The following EYS variants were observed in gnomAD, a reference collection of about 807,000 sequenced individuals.
The protein encoded by EYS is protein eyes shut homolog.
EYS carries 250 observed loss-of-function variants against 282.1 expected under a neutral mutation model. The observed-to-expected ratio is 0.89, with a 90% CI of 0.80 to 0.98. The LOEUF is 0.98. EYS is among the 50% of genes least tolerant of loss of function. The probability of loss-of-function intolerance (pLI) is 0.00; values close to 1 mark genes in which losing one functional copy is unlikely to be tolerated. For missense variants in EYS, 4,016 were observed against 3,709.0 expected (o/e 1.08, Z -2.15); for synonymous variants, 1,355 against 1,282.9 (o/e 1.06, Z -1.20).
At chr6:64,488,713 GAAA>G (rs746165393) in intron 26 of EYS, among the ~76,000 whole-genome samples, 2 of 150,998 alleles carry the variant, frequency 1.3e-5, no homozygotes, top group African/African-American at 2.4e-5. Context: ...ATTCTTCAGT[GAAA>G]AGTAAACGTA....
intron 5 of EYS, among the ~76,000 whole-genome samples, chr6:65,487,224 G>C (rs34793941): frequency 2.0e-5 from 3 of 152,142 alleles, no homozygotes; most frequent in Admixed American, 2.0e-4. Flanking sequence ...AATACGAGTG[G>C]TGAGAGAGGA....
chr6:63,726,455 A>G (rs999982216), intron 42 of EYS, 64 bp downstream of exon 42: 69 of 1,380,598 alleles, frequency 5.0e-5, no homozygotes, highest in Admixed American at 1.0e-4. Flanking sequence ...CACAAACACT[A>G]TCATACATTA....
chr6:65,202,547 G>A (rs1765927753), intron 12 of EYS, among the ~76,000 whole-genome samples: 1 of 152,038 alleles, frequency 6.6e-6, no homozygotes, highest in Admixed American at 6.6e-5. Flanking sequence ...ACACAGTTTG[G>A]GATGTATGAA....
intron 5 of EYS, among the ~76,000 whole-genome samples, chr6:65,426,434 T>G (rs1341735598): frequency 2.6e-5 from 4 of 152,108 alleles, no homozygotes; most frequent in Non-Finnish European, 5.9e-5. Flanking sequence ...TATTATTATC[T>G]TTAATGTCTA....
chr6:63,832,637 AC>A (rs1358511023), intron 36 of EYS, among the ~76,000 whole-genome samples: 1 of 152,240 alleles, frequency 6.6e-6, no homozygotes, highest in African/African-American at 2.4e-5. Flanking sequence ...TACCAGAGGT[AC>A]AAAGAGGAGC....
intron 12 of EYS, among the ~76,000 whole-genome samples, chr6:65,115,061 CT>C (rs1314307936): frequency 6.6e-6 from 1 of 151,970 alleles, no homozygotes; most frequent in Non-Finnish European, 1.5e-5. Context: ...ACTACATCAA[CT>C]TGAATTTTCA....
chr6:64,319,712 CGGAT>C (rs1561927643), intron 29 of EYS, among the ~76,000 whole-genome samples: 2 of 42,446 alleles, frequency 4.7e-5, no homozygotes, highest in Non-Finnish European at 1.0e-4. Context: ...GATGGATGGA[CGGAT>C]GGATGGATGG....
At chr6:64,518,838 G>A (rs980106980) in intron 26 of EYS, among the ~76,000 whole-genome samples, 1 of 150,832 alleles carries the variant, frequency 6.6e-6, no homozygotes, top group Non-Finnish European at 1.5e-5. Context: ...GAAGAAAGAC[G>A]TGTTTGCTTC....
intron 22 of EYS, among the ~76,000 whole-genome samples, chr6:64,702,558 T>C (rs903086174): frequency 1.3e-5 from 2 of 152,060 alleles, no homozygotes; most frequent in African/African-American, 2.4e-5. Flanking sequence ...TAAACAGATC[T>C]GAAAAAATGT....
chr6:63,742,072 C>T (rs1250414423), intron 41 of EYS: 1 of 676,408 alleles, frequency 1.5e-6, no homozygotes, highest in Non-Finnish European at 2.7e-6. Flanking sequence ...CTCTTTGGAT[C>T]TTTGAAACCT....
At chr6:65,457,550 G>A (rs1419272358) in intron 5 of EYS, among the ~76,000 whole-genome samples, 3 of 152,078 alleles carry the variant, frequency 2.0e-5, no homozygotes, top group African/African-American at 7.2e-5. Flanking sequence ...CTTGATGGTT[G>A]TCTTGGAATA....
At chr6:64,721,993 G>A (rs1445382185) in intron 22 of EYS, among the ~76,000 whole-genome samples, 6 of 152,060 alleles carry the variant, frequency 3.9e-5, no homozygotes. Flanking sequence ...AATGTATGTT[G>A]CACAAATAAA....
intron 19 of EYS, among the ~76,000 whole-genome samples, chr6:64,828,191 A>G (rs1038287704): frequency 2.0e-5 from 3 of 151,932 alleles, no homozygotes; most frequent in African/African-American, 7.2e-5. Flanking sequence ...AAGCAAGTAT[A>G]AATTAATCAA....
intron 8 of EYS, among the ~76,000 whole-genome samples, chr6:65,380,140 A>C (rs192292319): frequency 6.6e-6 from 1 of 152,074 alleles, no homozygotes; most frequent in African/African-American, 2.4e-5. Flanking sequence ...ATATGCAACA[A>C]AAAAAAGGCC....
chr6:63,968,544 A>T (rs1766411606), intron 35 of EYS, among the ~76,000 whole-genome samples: 1 of 152,206 alleles, frequency 6.6e-6, no homozygotes, highest in Non-Finnish European at 1.5e-5. Context: ...AAGATGGATA[A>T]CCTTTGATGT....
chr6:65,334,287 G>A (rs1300642498), intron 11 of EYS, among the ~76,000 whole-genome samples: 1 of 151,174 alleles, frequency 6.6e-6, no homozygotes, highest in Admixed American at 6.6e-5. Context: ...CTCATGATAG[G>A]GTCTCACTCT....
chr6:64,231,252 A>C lies in EYS; in HGVS notation c.6192-428T>G, dbSNP rs181492150. Among the ~76,000 whole-genome samples, 330 of 152,252 alleles carry C rather than the reference A, an allele frequency of 2.2e-3. 1 individual carries two copies. Among genetic ancestry groups the C allele is most frequent in the African/African-American group, 7.2e-3 (298 of 41,554 alleles). The stretch of plus-strand genomic sequence containing the variant: ...GTCTGACTTAGCATTAATTTCTGGG[A>C]GCTATCCAAGAGGTACCTTAGAAAT... On this transcript the variant is annotated intron_variant, in intron 30 of 42. Coordinates refer to ENST00000503581, the MANE Select transcript of EYS (RefSeq NM_001142800.2).
rs367947776 is a variant in EYS, at chr6:64,758,373, A to G, written c.3443+55005T>C. Among the ~76,000 whole-genome samples, 10 of 152,320 alleles carry G rather than the reference A, an allele frequency of 6.6e-5. No homozygotes were observed. The East Asian group carries it at 1.7e-3, about 26-fold the overall frequency. ...ATAAGAGGATTATTGGATTTTGTCAATAAAATTGAAATTTATCACTACTGG... is the reference window on the plus strand; with the variant it reads ...ATAAGAGGATTATTGGATTTTGTCAGTAAAATTGAAATTTATCACTACTGG... On this transcript the variant is annotated intron_variant, in intron 22 of 42. Transcript: ENST00000503581.
intron 2 of EYS, among the ~76,000 whole-genome samples, chr6:65,574,200 G>A (rs2127355005): frequency 6.6e-6 from 1 of 152,282 alleles, no homozygotes; most frequent in African/African-American, 2.4e-5. Flanking sequence ...GGCACCTCTA[G>A]TGGGACCCTA....
Sources: allele counts gnomAD v4.1 joint callset (sites outside exome capture counted in the v4.1 genomes callset), GRCh38; gene constraint gnomAD v4.1.1; transcripts MANE v1.5; gene names NCBI Gene and HGNC (gene_info 2026-07-23, HGNC 2026-07-21).